SEMA3E: variants seen among roughly 807,000 people sequenced by gnomAD.
SEMA3E encodes semaphorin-3E.
Under a neutral mutation model 93.6 loss-of-function variants are expected in SEMA3E, and 49 were observed. The observed-to-expected ratio is 0.52, with a 90% CI of 0.42 to 0.66. SEMA3E has a LOEUF of 0.66. Among genes scored for constraint, SEMA3E ranks in the 30% least tolerant of loss-of-function variants. The pLI, the probability that SEMA3E is intolerant of heterozygous loss-of-function variation, is 0.00. For missense variants in SEMA3E, 906 were observed against 964.8 expected, an observed-to-expected ratio of 0.94 and a Z score of 0.81; for synonymous variants, 363 against 330.7, an observed-to-expected ratio of 1.10 and a Z score of -1.06.
At chr7:83,470,734 A>G (rs1022929563) in intron 2 of SEMA3E, among the ~76,000 whole-genome samples, 1 of 152,002 alleles carries the variant, frequency 6.6e-6, no homozygotes, top group Non-Finnish European at 1.5e-5. Flanking sequence ...TTGAAGTTAA[A>G]TCTCATCTCT....
At chr7:83,460,803 G>C (rs1296673198) in intron 4 of SEMA3E, among the ~76,000 whole-genome samples, 1 of 135,228 alleles carries the variant, frequency 7.4e-6, no homozygotes, top group East Asian at 2.3e-4. Flanking sequence ...TCCGCACCCC[G>C]ACCTCTTATC....
At chr7:83,484,734 ATTAT>A (rs1790218711) in intron 2 of SEMA3E, among the ~76,000 whole-genome samples, 1 of 152,162 alleles carries the variant, frequency 6.6e-6, no homozygotes, top group African/African-American at 2.4e-5. Context: ...GCATTATAAT[ATTAT>A]TTTATTTTTC....
At chr7:83,631,401 T>C (rs1793781891) in intron 1 of SEMA3E, among the ~76,000 whole-genome samples, 1 of 152,192 alleles carries the variant, frequency 6.6e-6, no homozygotes, top group Admixed American at 6.5e-5. Context: ...GTTAAACTCC[T>C]TCCAAATACT....
At chr7:83,565,995 CTTTTTTT>C (rs750248438) in intron 1 of SEMA3E, among the ~76,000 whole-genome samples, 1 of 112,740 alleles carries the variant, frequency 8.9e-6, no homozygotes. Context: ...TGTTTCCACT[CTTTTTTT>C]TTTTTTTTTT....
intron 1 of SEMA3E, among the ~76,000 whole-genome samples, chr7:83,547,554 T>C (rs1791677697): frequency 6.6e-6 from 1 of 152,156 alleles, no homozygotes; most frequent in African/African-American, 2.4e-5. Context: ...CGTGGTAGTT[T>C]AGTTGAGCTG....
At chr7:83,513,294 C>A (rs1790860992) in intron 1 of SEMA3E, among the ~76,000 whole-genome samples, 1 of 152,190 alleles carries the variant, frequency 6.6e-6, no homozygotes, top group African/African-American at 2.4e-5. Context: ...CTACTTTAAT[C>A]TCCTCCAGGG....
intron 1 of SEMA3E, among the ~76,000 whole-genome samples, chr7:83,575,069 T>C (rs769360101): frequency 6.6e-6 from 1 of 152,194 alleles, no homozygotes; most frequent in Non-Finnish European, 1.5e-5. Context: ...TGGTTTAGTT[T>C]AGATGTTGGC....
Position 83,461,136 on chromosome 7 carries a change from G to A in SEMA3E, c.456+5346C>T, listed in dbSNP as rs200643504. Among the ~76,000 whole-genome samples the A allele has an allele frequency of 9.3e-3, 1,414 of 152,150 alleles. 16 individuals carry two copies. The highest frequency in any genetic ancestry group is 0.033 in the East Asian group (171 of 5,152). ...CTGCCAGATCTAAATAATTCTTGTC[G>A]TAAAATAGGCAAACGGTCTGAGGTG... On this transcript the variant is annotated intron_variant, in intron 4 of 16. Coordinates refer to ENST00000643230, the MANE Select transcript of SEMA3E (RefSeq NM_012431.3).
chr7:83,639,125 A>AACAAAC (rs1554346570), intron 1 of SEMA3E, among the ~76,000 whole-genome samples: 1 of 137,846 alleles, frequency 7.3e-6, no homozygotes, highest in African/African-American at 2.8e-5. Flanking sequence ...AAAAAAAAAA[A>AACAAAC]AAAAAAAAAA....
intron 5 of SEMA3E, among the ~76,000 whole-genome samples, chr7:83,417,480 T>C (rs530458215): frequency 2.0e-5 from 3 of 152,146 alleles, no homozygotes; most frequent in Non-Finnish European, 4.4e-5. Flanking sequence ...TATTCTGTAC[T>C]CATTTTCTGC....
intron 1 of SEMA3E, among the ~76,000 whole-genome samples, chr7:83,498,304 C>A (rs984038584): frequency 6.6e-6 from 1 of 152,112 alleles, no homozygotes; most frequent in Non-Finnish European, 1.5e-5. Flanking sequence ...GTTGTTCAAG[C>A]ATCAGCTGTA....
chr7:83,422,904 A>G (rs182073545), intron 4 of SEMA3E, among the ~76,000 whole-genome samples: 1 of 152,256 alleles, frequency 6.6e-6, no homozygotes, highest in Non-Finnish European at 1.5e-5. Context: ...GTAGAACCTC[A>G]GGCATAGATG....
chr7:83,628,900 G>T (rs1305230496), intron 1 of SEMA3E, among the ~76,000 whole-genome samples: 1 of 152,032 alleles, frequency 6.6e-6, no homozygotes, highest in African/African-American at 2.4e-5. Flanking sequence ...TTTTGTGCTG[G>T]TTTTTCCTCA....
chr7:83,392,446 A>C lies in SEMA3E; in HGVS notation c.1667+109T>G, dbSNP rs1369141376. On this transcript the variant is annotated intron_variant, in intron 14 of 16. Coordinates refer to ENST00000643230, the MANE Select transcript of SEMA3E (RefSeq NM_012431.3). ...ATGTTCAGTGCCAGTCTCTGTACAC[A>C]ATAATTAATACAGGTATTTTCTGGA... The C allele has an allele frequency of 4.0e-6, 5 of 1,245,320 alleles. No homozygotes were observed. The African/African-American group carries it at 7.6e-5, about 19-fold the overall frequency. The allele number at this position is 1,245,320 out of a possible 1,614,324, so 77.1% of individuals were successfully genotyped here. A position where few individuals can be genotyped will look rare whatever the true frequency, so the allele number is the denominator to read the frequency against.
intron 1 of SEMA3E, among the ~76,000 whole-genome samples, chr7:83,571,994 T>A (rs1384888755): frequency 6.6e-6 from 1 of 152,044 alleles, no homozygotes; most frequent in South Asian, 2.1e-4. Flanking sequence ...AAAAATGAAA[T>A]ACTTAGGAAT....
intron 1 of SEMA3E, among the ~76,000 whole-genome samples, chr7:83,545,331 A>T (rs1221001841): frequency 6.6e-6 from 1 of 152,018 alleles, no homozygotes; most frequent in Non-Finnish European, 1.5e-5. Flanking sequence ...GCCTTCCCCC[A>T]GTCCCATTCC....
At chr7:83,622,963 G>A (rs181905209) in intron 1 of SEMA3E, among the ~76,000 whole-genome samples, 68 of 152,138 alleles carry the variant, frequency 4.5e-4, no homozygotes, top group Admixed American at 7.2e-4. Context: ...TGCACATCCC[G>A]CACATGTACC....
chr7:83,547,942 C>A (rs560372318), intron 1 of SEMA3E, among the ~76,000 whole-genome samples: 1 of 152,212 alleles, frequency 6.6e-6, no homozygotes, highest in Non-Finnish European at 1.5e-5. Context: ...GAACTGGTAG[C>A]ATTTCCCAGT....
chr7:83,478,737 A>G (rs1233923389), intron 2 of SEMA3E, among the ~76,000 whole-genome samples: 2 of 152,270 alleles, frequency 1.3e-5, no homozygotes, highest in African/African-American at 2.4e-5. Flanking sequence ...TGCAAAGGGA[A>G]TAAGAGCCAA....
Sources: allele counts gnomAD v4.1 joint callset (sites outside exome capture counted in the v4.1 genomes callset), GRCh38; gene constraint gnomAD v4.1.1; transcripts MANE v1.5; gene names NCBI Gene and HGNC (gene_info 2026-07-23, HGNC 2026-07-21).